The following DUSP15 variants were observed in gnomAD, a reference collection of about 807,000 sequenced individuals.
DUSP15 encodes dual specificity protein phosphatase 15.
DUSP15 carries 23 observed loss-of-function variants against 26.3 expected under a neutral mutation model. The observed-to-expected ratio is 0.87, with a 90% CI of 0.63 to 1.24. The LOEUF (loss-of-function observed/expected upper bound fraction) is 1.24. Ranked by LOEUF, DUSP15 falls within the 50% of genes most tolerant of loss-of-function variation. DUSP15 has a pLI of 0.00. For missense variants in DUSP15, 364 were observed against 320.6 expected (o/e 1.14, Z -1.03); for synonymous variants, 143 against 135.5 (o/e 1.06, Z -0.39).
downstream of DUSP15, among the ~76,000 whole-genome samples, chr20:31,846,954 G>A (rs76141115): frequency 0.035 from 5,401 of 152,144 alleles, 118 homozygotes; most frequent in Middle Eastern, 0.051. Flanking sequence ...ACATGGCTGC[G>A]GATTGTCACT....
chr20:31,865,175 G>C (rs2062741109), intron 3 of DUSP15, among the ~76,000 whole-genome samples, 173 bp from the exon 4 acceptor site: 1 of 152,094 alleles, frequency 6.6e-6, no homozygotes, highest in Non-Finnish European at 1.5e-5. Flanking sequence ...TCCCAGCTGT[G>C]ACCACTTGTG....
At chr20:31,869,845 G>C (rs1422340826) in intron 1 of DUSP15, 4 of 1,416,764 alleles carry the variant, frequency 2.8e-6, no homozygotes, top group South Asian at 1.5e-5. Context: ...GGGTATGAGA[G>C]GGGAGAGGAG....
chr20:31,863,085 G>A (rs1240218084), intron 5 of DUSP15, among the ~76,000 whole-genome samples: 1 of 137,998 alleles, frequency 7.2e-6, no homozygotes, highest in African/African-American at 2.8e-5. Flanking sequence ...TGGGGGGGGG[G>A]GACAGACGTT....
In DUSP15 at chr20:31,849,447, G is replaced by A. The variant is rs536007048; in HGVS notation, c.628+291C>T. 10 of 587,578 alleles carry A rather than the reference G, an allele frequency of 1.7e-5. No homozygotes were observed. The East Asian group carries it at 3.4e-4, about 20-fold the overall frequency. The allele number at this position is 587,578 out of a possible 1,614,324, so 36.4% of individuals were successfully genotyped here. A position where few individuals can be genotyped will look rare whatever the true frequency, so the allele number is the denominator to read the frequency against. On this transcript the variant is annotated intron_variant, in intron 8 of 9. Transcript: ENST00000278979. ...ATCCCCCTGGGCCTGCATTTAATGT[G>A]CCCACTCTCCTCTGTTCATGTTCCT...
chr20:31,863,822 A>G lies in DUSP15; in HGVS notation c.263+85T>C, dbSNP rs540649624. The G allele has an allele frequency of 3.2e-5, 44 of 1,388,282 alleles. No homozygotes were observed. The South Asian group carries it at 4.7e-4, about 15-fold the overall frequency. The allele number at this position is 1,388,282 out of a possible 1,614,324, so 86.0% of individuals were successfully genotyped here. On this transcript the variant is annotated intron_variant, in intron 5 of 6. Coordinates refer to ENST00000339738, the MANE Select transcript of DUSP15 (RefSeq NM_080611.5). ...CTGGAGAAGATCCCTCACAGGTCCA[A>G]CCTTCCCACAGGGGGAGTGTGTGTT...
At chr20:31,858,814 G>A (rs550599687), downstream of DUSP15, among the ~76,000 whole-genome samples, 19 of 152,256 alleles carry the variant, frequency 1.2e-4, no homozygotes, top group African/African-American at 3.6e-4. This position sits in a 1 kb window ranked among gnomAD's most constrained non-coding sequence, Gnocchi z 4.4. Context: ...GCAGCAACTC[G>A]TTTCAAATGC....
At chr20:31,865,509 C>G (rs916676569) in intron 3 of DUSP15, among the ~76,000 whole-genome samples, 11 of 152,146 alleles carry the variant, frequency 7.2e-5, no homozygotes, top group African/African-American at 2.7e-4. Flanking sequence ...CTGTGATGTC[C>G]TTTGTTTCCT....
In DUSP15 at chr20:31,870,179, G is replaced by A; in HGVS notation, c.21+138C>T. 1.6e-6 allele frequency: 2 copies of A among 1,226,510 alleles called. No individual in the cohort carries two copies. The highest frequency in any genetic ancestry group is 4.1e-5 in the South Asian group (1 of 24,182). The allele number at this position is 1,226,510 out of a possible 1,614,324, so 76.0% of individuals were successfully genotyped here. A position where few individuals can be genotyped will look rare whatever the true frequency, so the allele number is the denominator to read the frequency against. On this transcript the variant is annotated intron_variant, in intron 1 of 6. Coordinates refer to ENST00000339738, the MANE Select transcript of DUSP15 (RefSeq NM_080611.5). The surrounding 1 kb of genome is among the most constrained non-coding windows in gnomAD (Gnocchi z 6.6). ...GGAGACCCGACAGCCGCGGTCTCGA[G>A]TCACAGGGACACGGAGATGCCGCCG...
rs773354287 is a variant in DUSP15 at position 31,865,001 on chromosome 20, T to C, written c.140A>G (p.Asp47Gly). The C allele has an allele frequency of 4.6e-5, 74 of 1,613,864 alleles. No homozygotes were observed. The highest frequency in any genetic ancestry group is 6.3e-5 in the Non-Finnish European group (74 of 1,179,990). Residue 47 changes from aspartate to glycine, a missense_variant and splice_region_variant, in exon 4 of 7, where the codon GAT (aspartate) becomes GGT (glycine). Coordinates refer to ENST00000339738, the MANE Select transcript of DUSP15 (RefSeq NM_080611.5). ...GACCGGGATGCGAAGGTAGGTGATA[T>C]CCTGCAAGTACAAAATACACTCAGG... is the stretch of plus-strand genomic sequence containing the variant. ...IHESPQPLLQ[D>G]ITYLRIPVAD... is the part of the protein sequence containing the mutation.
chr20:31,860,424 T>C (rs986777107), downstream of DUSP15, among the ~76,000 whole-genome samples: 1 of 152,254 alleles, frequency 6.6e-6, no homozygotes, highest in African/African-American at 2.4e-5. Context: ...CAGAGCCAGC[T>C]ACCGCTTTGA....
chr20:31,866,442 G>T (rs886195383), intron 3 of DUSP15, among the ~76,000 whole-genome samples: 1 of 152,186 alleles, frequency 6.6e-6, no homozygotes, highest in Non-Finnish European at 1.5e-5. Flanking sequence ...CTGTCCCCAA[G>T]GTCATAGAGC....
At chr20:31,863,739 T>G in intron 5 of DUSP15, 168 bp downstream of exon 5, 1 of 627,904 alleles carries the variant, frequency 1.6e-6, no homozygotes, top group Non-Finnish European at 2.8e-6. Context: ...TCATAAGGAA[T>G]AGAGTCCCGG....
intron 5 of DUSP15, 104 bp downstream of exon 5, chr20:31,863,803 A>G: frequency 8.8e-7 from 1 of 1,141,508 alleles, no homozygotes; most frequent in Non-Finnish European, 1.3e-6. Flanking sequence ...CAGGCTGGAG[A>G]AGATCCCTCA....
chr20:31,867,713 C>T (rs925056960), intron 2 of DUSP15, among the ~76,000 whole-genome samples: 4 of 136,416 alleles, frequency 2.9e-5, no homozygotes, highest in Admixed American at 8.5e-5. Flanking sequence ...GGCGCGATCT[C>T]GGCTGACCAC....
downstream of DUSP15, among the ~76,000 whole-genome samples, chr20:31,847,000 G>C (rs777320293): frequency 8.5e-5 from 13 of 152,108 alleles, no homozygotes; most frequent in Non-Finnish European, 1.5e-4. Context: ...GCCTGGGGTC[G>C]GGAGGTCCAG....
exon 10 of DUSP15, chr20:31,848,001 T>C (rs776031245): frequency 3.1e-5 from 5 of 159,718 alleles, no homozygotes; most frequent in African/African-American, 1.2e-4. Context: ...GCAGTTTTGT[T>C]ATGGCTTGAT....
chr20:31,862,756 C>A lies in DUSP15; in HGVS notation c.264-14G>T. The A allele has an allele frequency of 6.3e-7, 1 of 1,585,208 alleles. No individual in the cohort carries two copies. The highest frequency in any genetic ancestry group is 1.1e-5 in the South Asian group (1 of 88,320). ...ATGCCTGCAAAGCTGGGATCCCCAACAACCCCTCAGGCTTCAAGTAAGATC... is the reference window on the plus strand; with the variant it reads ...ATGCCTGCAAAGCTGGGATCCCCAAAAACCCCTCAGGCTTCAAGTAAGATC... On this transcript the variant is annotated splice_polypyrimidine_tract_variant and intron_variant, in intron 5 of 6. Coordinates refer to ENST00000339738, the MANE Select transcript of DUSP15 (RefSeq NM_080611.5).
At chr20:31,869,981 C>T (rs1600494308) in intron 1 of DUSP15, 3 of 1,341,606 alleles carry the variant, frequency 2.2e-6, no homozygotes, top group East Asian at 2.8e-5. Context: ...GGAGAAACAG[C>T]CCCGGAGAGA....
intron 6 of DUSP15, among the ~76,000 whole-genome samples, chr20:31,851,129 C>T (rs993366942): frequency 9.9e-5 from 15 of 152,088 alleles, no homozygotes; most frequent in Admixed American, 1.3e-4. Context: ...CTCCCCCGCC[C>T]CCATGGAGGT....
Sources: allele counts gnomAD v4.1 joint callset (sites outside exome capture counted in the v4.1 genomes callset), GRCh38; gene constraint gnomAD v4.1.1; non-coding constraint Gnocchi (gnomAD v3.1); transcripts MANE v1.5; gene names NCBI Gene and HGNC (gene_info 2026-07-23, HGNC 2026-07-21).